PRDM1: variants seen among roughly 807,000 people sequenced by gnomAD.
The protein encoded by PRDM1 is PR domain zinc finger protein 1.
PRDM1 carries 13 observed loss-of-function variants against 62.8 expected under a neutral mutation model. That is an observed-to-expected ratio of 0.21 (90% CI 0.13 to 0.33). The LOEUF (loss-of-function observed/expected upper bound fraction) is 0.33, where lower values mean the gene tolerates loss of function less well. PRDM1 is among the 10% of genes least tolerant of loss of function. The pLI is 1.00. For missense variants in PRDM1, 895 were observed against 1,058.8 expected (o/e 0.85, Z 2.15); for synonymous variants, 396 against 417.6 (o/e 0.95, Z 0.63).
At chr6:106,004,797 G>C (rs1490994245) in intron 1 of PRDM1, among the ~76,000 whole-genome samples, 1 of 152,042 alleles carries the variant, frequency 6.6e-6, no homozygotes, top group African/African-American at 2.4e-5. Flanking sequence ...GGCATTTCTT[G>C]ATTAAAAATA....
At position 106,039,689 on chromosome 6, in the gene PRDM1, CTGA is replaced by C. The variant is rs1423340246; in HGVS notation, c.-67+46053_-67+46055del. ...TAAATTCAAGTGTATAATTTTACCCCTGATGTGTTCAGTGAAGCATGATCAAAA... is the reference window on the plus strand; with the variant it reads ...TAAATTCAAGTGTATAATTTTACCCCTGTGTTCAGTGAAGCATGATCAAAA... On this transcript the variant is annotated intron_variant, in intron 1 of 6. Transcript: ENST00000652320. Among the ~76,000 whole-genome samples the C allele has an allele frequency of 4.6e-5, 7 of 152,252 alleles. No individual in the cohort carries two copies. In the East Asian group the frequency reaches 1.3e-3, roughly 29 times the overall value.
chr6:106,067,009 C>T (rs1007108985), intron 1 of PRDM1, among the ~76,000 whole-genome samples: 10 of 152,122 alleles, frequency 6.6e-5, no homozygotes, highest in African/African-American at 2.4e-4. Flanking sequence ...TTATTATCTC[C>T]ATTTTGCTGA....
chr6:106,007,090 T>C (rs1772492745), intron 1 of PRDM1, among the ~76,000 whole-genome samples: 1 of 151,964 alleles, frequency 6.6e-6, no homozygotes. Flanking sequence ...TTTCTTAGTT[T>C]GCTTCCTTAC....
At chr6:105,997,340 G>T (rs1230553882) in intron 1 of PRDM1, among the ~76,000 whole-genome samples, 2 of 152,022 alleles carry the variant, frequency 1.3e-5, no homozygotes, top group African/African-American at 4.8e-5. Context: ...GCTTCTTCGT[G>T]TGTCATGGAA....
intron 1 of PRDM1, among the ~76,000 whole-genome samples, chr6:106,019,406 G>A (rs1028243653): frequency 2.7e-5 from 4 of 150,672 alleles, no homozygotes; most frequent in Admixed American, 6.6e-5. Context: ...AATATAGATC[G>A]CTCATACTGA....
intron 1 of PRDM1, among the ~76,000 whole-genome samples, chr6:106,026,546 G>A (rs537674735): frequency 7.9e-5 from 12 of 152,196 alleles, no homozygotes; most frequent in East Asian, 5.8e-4. Flanking sequence ...CAATGTTTTC[G>A]TCTGGTGTAG....
At chr6:106,093,793 A>G (rs1774021473) in intron 2 of PRDM1, among the ~76,000 whole-genome samples, 1 of 152,220 alleles carries the variant, frequency 6.6e-6, no homozygotes, top group African/African-American at 2.4e-5. Context: ...AAATGAAGGC[A>G]GAGGAGGAGG....
chr6:106,066,363 G>T (rs772801471), intron 1 of PRDM1, among the ~76,000 whole-genome samples: 1 of 152,104 alleles, frequency 6.6e-6, no homozygotes, highest in Non-Finnish European at 1.5e-5. Flanking sequence ...GCTCGGTCAC[G>T]TCAGTCTTAG....
chr6:106,019,464 G>A (rs1772666262), intron 1 of PRDM1, among the ~76,000 whole-genome samples: 1 of 150,996 alleles, frequency 6.6e-6, no homozygotes, highest in African/African-American at 2.4e-5. Flanking sequence ...AAATAGAACT[G>A]AAAATTTGAT....
chr6:106,099,835 C>T, intron 4 of PRDM1: 1 of 413,724 alleles, frequency 2.4e-6, no homozygotes, highest in Non-Finnish European at 4.4e-6. Flanking sequence ...TATCCAAAAG[C>T]AGTTGGGAGA....
intron 1 of PRDM1, among the ~76,000 whole-genome samples, chr6:106,010,270 C>T (rs1183287860): frequency 6.6e-6 from 1 of 152,076 alleles, no homozygotes. Context: ...CTTGCAGAAC[C>T]CCTTTTTCAA....
At chr6:106,074,454 T>TC (rs1302096132) in intron 1 of PRDM1, among the ~76,000 whole-genome samples, 1 of 152,194 alleles carries the variant, frequency 6.6e-6, no homozygotes, top group Non-Finnish European at 1.5e-5. Flanking sequence ...ATTTGCATGC[T>TC]CCCCAAGGGT....
rs569407804 is a variant in PRDM1 at position 106,023,080 on chromosome 6, C to G, written c.-67+29441C>G. On this transcript the variant is annotated intron_variant, in intron 1 of 6. Transcript: ENST00000652320. Reference sequence around the variant, plus strand: ...GTGCTGTTAAAGCGATTTCCTTCATCTTTTCCAGTGTTCTGCTCTGGTGCT... The same window carrying G: ...GTGCTGTTAAAGCGATTTCCTTCATGTTTTCCAGTGTTCTGCTCTGGTGCT... 2.0e-5 allele frequency among the ~76,000 whole-genome samples: 3 copies of G among 152,240 alleles called. No individual in the cohort carries two copies. In the South Asian group the frequency reaches 6.2e-4, roughly 32 times the overall value.
chr6:106,063,578 T>TA (rs900687338), intron 1 of PRDM1, among the ~76,000 whole-genome samples: 3 of 151,896 alleles, frequency 2.0e-5, no homozygotes, highest in African/African-American at 4.8e-5. Flanking sequence ...AAATAATTTC[T>TA]AAAAAAAATA....
chr6:106,086,663 A>G lies in PRDM1; in HGVS notation c.42+68A>G, dbSNP rs1773816947. On this transcript the variant is annotated intron_variant, in intron 1 of 6. Coordinates refer to ENST00000369096, the MANE Select transcript of PRDM1 (RefSeq NM_001198.4). The stretch of plus-strand genomic sequence containing the variant: ...TGAAAACTTTATTTTCTTTTCCTTT[A>G]TTGTTATTATTATTAATTTTTTTTG... The G allele has an allele frequency of 1.2e-5, 17 of 1,367,578 alleles. No homozygotes were observed. The South Asian group carries it at 1.5e-4, about 12-fold the overall frequency. 84.7% of individuals were successfully genotyped at this position (1,367,578 alleles called of 1,614,324 possible). A position where few individuals can be genotyped will look rare whatever the true frequency, so the allele number is the denominator to read the frequency against.
Position 106,088,259 on chromosome 6 carries a change from AGGG to A in PRDM1, c.103_105del (p.Gly35del), listed in dbSNP as rs1773863585. The A allele has an allele frequency of 1.2e-6, 2 of 1,613,976 alleles. No homozygotes were observed. The highest frequency in any genetic ancestry group is 1.7e-5 in the Admixed American group (1 of 59,998). On this transcript the variant is annotated inframe_deletion, in exon 2 of 7. Transcript: ENST00000369096. ...TTTCAGGGATTGGCAGAGGGGACCAAGGGGACCATGAAAATGGACATGGAGGAT... is the reference window on the plus strand; with the variant it reads ...TTTCAGGGATTGGCAGAGGGGACCAAGACCATGAAAATGGACATGGAGGAT...
upstream of PRDM1, among the ~76,000 whole-genome samples, chr6:106,083,199 C>A (rs1323359481): frequency 2.8e-5 from 1 of 36,240 alleles, no homozygotes; most frequent in African/African-American, 1.2e-4. Context: ...TTACAGGAAG[C>A]GGGAAATGGG....
chr6:106,095,612 T>C lies in PRDM1; in HGVS notation c.292-3T>C, dbSNP rs989397336. The C allele has an allele frequency of 1.2e-6, 2 of 1,612,460 alleles. No individual in the cohort carries two copies. Among genetic ancestry groups the C allele is most frequent in the Non-Finnish European group, 1.7e-6 (2 of 1,179,380 alleles). ...ATTGTTTCCTGTGTTTTTTCCTGTT[T>C]AGGTTATTGGAGTGATGAGTAAAGA... On this transcript the variant is annotated splice_region_variant and splice_polypyrimidine_tract_variant and intron_variant, in intron 2 of 6. Transcript: ENST00000369096.
At chr6:106,017,811 C>T (rs1772641417) in intron 1 of PRDM1, among the ~76,000 whole-genome samples, 1 of 151,974 alleles carries the variant, frequency 6.6e-6, no homozygotes, top group Admixed American at 6.6e-5. Flanking sequence ...GAAGCAGGGG[C>T]AGATTAAAGG....
Sources: gnomAD v4.1 joint callset for allele counts (sites outside exome capture counted in the v4.1 genomes callset) on GRCh38, gnomAD v4.1.1 for gene constraint, MANE v1.5 for transcripts, NCBI Gene and HGNC (gene_info 2026-07-23, HGNC 2026-07-21) for gene names.